USP3: variants seen among roughly 807,000 people sequenced by gnomAD.
USP3 encodes ubiquitin carboxyl-terminal hydrolase 3.
A neutral mutation model predicts 72.3 loss-of-function variants in USP3; 20 were observed. That is an observed-to-expected ratio of 0.28 (90% CI 0.19 to 0.40). USP3 has a LOEUF of 0.40. USP3 is among the 10% of genes least tolerant of loss of function. The probability of loss-of-function intolerance (pLI) is 1.00; values close to 1 mark genes in which losing one functional copy is unlikely to be tolerated. For synonymous variants in USP3, 222 were observed against 225.3 expected (o/e 0.99, Z 0.13); for missense variants, 479 against 633.9 (o/e 0.76, Z 2.62).
intron 11 of USP3, among the ~76,000 whole-genome samples, chr15:63,585,193 T>C (rs1166758956): frequency 1.3e-5 from 2 of 152,222 alleles, no homozygotes; most frequent in Non-Finnish European, 2.9e-5. Context: ...TTTTTCAAAA[T>C]TGTTTTGGCT....
chr15:63,542,285 T>C, intron 3 of USP3: 1 of 776,122 alleles, frequency 1.3e-6, no homozygotes, highest in Non-Finnish European at 1.6e-6. Context: ...AAGAATTAAG[T>C]GTTTTTTATT....
At chr15:63,533,516 T>A in intron 2 of USP3, among the ~76,000 whole-genome samples, 1 of 152,224 alleles carries the variant, frequency 6.6e-6, no homozygotes, top group East Asian at 1.9e-4. Context: ...TTAGAAAATC[T>A]ACTTTGAATT....
rs780307574 is a variant in USP3 at position 63,537,049 on chromosome 15, A to G, written c.177A>G (p.Lys59=). The G allele has an allele frequency of 6.2e-7, 1 of 1,613,742 alleles. No homozygotes were observed. The highest frequency in any genetic ancestry group is 1.1e-5 in the South Asian group (1 of 90,956). The change falls in exon 3 of 15, where the codon AAA becomes AAG. Residue 59 remains lysine, a synonymous_variant. Coordinates refer to ENST00000380324, the MANE Select transcript of USP3 (RefSeq NM_006537.4). ...CGRYVNGHAK[K]HYEDAQVPLT... is the part of the protein sequence containing the mutation. ...GGTATGTGAATGGCCATGCAAAAAA[A>G]CATTATGAAGATGCACAAGTACCTT...
chr15:63,570,919 A>C lies in USP3; in HGVS notation c.908+340A>C, dbSNP rs563153299. On this transcript the variant is annotated intron_variant, in intron 9 of 14. Coordinates refer to ENST00000380324, the MANE Select transcript of USP3 (RefSeq NM_006537.4). This position sits in a 1 kb window ranked among gnomAD's most constrained non-coding sequence, Gnocchi z 4.4. ...CAGGAGACTTAATTTTCATATACCA[A>C]AATAATATTTGTTCACTAAAAACAA... Among the ~76,000 whole-genome samples, 2 of 152,328 alleles carry C rather than the reference A, an allele frequency of 1.3e-5. No individual in the cohort carries two copies. The highest frequency in any genetic ancestry group is 2.1e-4 in the South Asian group (1 of 4,832).
chr15:63,562,988 GA>G lies in USP3; in HGVS notation c.743del (p.Lys248ArgfsTer56). On this transcript the variant is annotated frameshift_variant, in exon 8 of 15. Coordinates refer to ENST00000380324, the MANE Select transcript of USP3 (RefSeq NM_006537.4). LOFTEE classifies it high-confidence loss of function. ...SPESLFYVVW[K>X]IMPNFRGYQQ... is the part of the protein sequence containing the mutation. ...CAGAGTCCTTATTTTATGTTGTTTG[GA>G]AGATTATGCCAAACTTTAGGTAAGT... The G allele has an allele frequency of 6.2e-7, 1 of 1,611,130 alleles. No homozygotes were observed. Among genetic ancestry groups the G allele is most frequent in the Non-Finnish European group, 8.5e-7 (1 of 1,178,850 alleles).
At chr15:63,506,733 T>C (rs543005059) in intron 1 of USP3, among the ~76,000 whole-genome samples, 2 of 152,300 alleles carry the variant, frequency 1.3e-5, no homozygotes, top group African/African-American at 4.8e-5. Flanking sequence ...AACTAGTATG[T>C]GGGGTGATTT....
At chr15:63,573,309 G>A (rs911644209) in intron 9 of USP3, among the ~76,000 whole-genome samples, 2 of 152,148 alleles carry the variant, frequency 1.3e-5, no homozygotes, top group African/African-American at 4.8e-5. Context: ...CCTCTGTGGT[G>A]GGTACTCTTC....
chr15:63,547,835 AGGGAGGGAGG>A, intron 3 of USP3, among the ~76,000 whole-genome samples: 1 of 97,060 alleles, frequency 1.0e-5, no homozygotes, highest in South Asian at 3.7e-4. Flanking sequence ...AGAGAGAGAG[AGGGAGGGAGG>A]GAGAGAGAGA....
At position 63,581,031 on chromosome 15, in the gene USP3, C is replaced by A. The variant is rs542574724; in HGVS notation, c.1096+6628C>A. ...ATGTTGGCCAGGCTGGTCTCAGACTCCTGACCTCGAGTGATCTGCCTGCCT... is the reference window on the plus strand; with the variant it reads ...ATGTTGGCCAGGCTGGTCTCAGACTACTGACCTCGAGTGATCTGCCTGCCT... On this transcript the variant is annotated intron_variant, in intron 11 of 14. Coordinates refer to ENST00000380324, the MANE Select transcript of USP3 (RefSeq NM_006537.4). 5.3e-5 allele frequency among the ~76,000 whole-genome samples: 8 copies of A among 152,236 alleles called. No homozygotes were observed. In the East Asian group the frequency reaches 1.5e-3, roughly 29 times the overall value.
chr15:63,590,730 T>A lies in USP3; in HGVS notation c.1467T>A (p.Thr489=), dbSNP rs1286652815. The A allele has an allele frequency of 4.3e-6, 7 of 1,614,180 alleles. No homozygotes were observed. In the East Asian group the frequency reaches 8.9e-5, roughly 21 times the overall value. ...EGRWFHFNDS[T]VTLTDEETVV... ...GCTGGTTCCACTTCAATGACAGTAC[T>A]GTAACACTGACTGACGAGGAGACTG... is the stretch of plus-strand genomic sequence containing the variant. Residue 489 remains threonine, a synonymous_variant, in exon 15 of 15, where the codon ACT becomes ACA. Coordinates refer to ENST00000380324, the MANE Select transcript of USP3 (RefSeq NM_006537.4).
intron 3 of USP3, among the ~76,000 whole-genome samples, chr15:63,550,982 T>G (rs2066428519): frequency 6.6e-6 from 1 of 152,140 alleles, no homozygotes; most frequent in Non-Finnish European, 1.5e-5. Flanking sequence ...CAGAATACCC[T>G]GGCTGTATTT....
chr15:63,511,557 T>A (rs1261907136), intron 1 of USP3, among the ~76,000 whole-genome samples: 1 of 152,292 alleles, frequency 6.6e-6, no homozygotes, highest in African/African-American at 2.4e-5. Context: ...TATACTCAGA[T>A]CTAATATTTT....
In USP3 at chr15:63,528,183, A is replaced by G. The variant is rs1290228678; in HGVS notation, c.92-4464A>G. On this transcript the variant is annotated intron_variant, in intron 1 of 14. Coordinates refer to ENST00000380324, the MANE Select transcript of USP3 (RefSeq NM_006537.4). The surrounding 1 kb of genome is among the most constrained non-coding windows in gnomAD (Gnocchi z 4.3). ...GACTGAGAAGTGAGACACTGCAGTC[A>G]GGGTTGGAAGAATCCAAGTAAACCG... 1 of 152,256 alleles carries G rather than the reference A, an allele frequency of 6.6e-6. No homozygotes were observed. The allele number at this position is 152,256 out of a possible 1,614,324, so 9.4% of individuals were successfully genotyped here.
At chr15:63,585,721 C>T (rs1423652810) in intron 11 of USP3, among the ~76,000 whole-genome samples, 2 of 151,218 alleles carry the variant, frequency 1.3e-5, no homozygotes, top group Non-Finnish European at 2.9e-5. Flanking sequence ...GGATTTTTTC[C>T]TATGTTATCT....
chr15:63,577,194 A>G (rs1055536286), intron 11 of USP3, among the ~76,000 whole-genome samples: 1 of 152,266 alleles, frequency 6.6e-6, no homozygotes, highest in Non-Finnish European at 1.5e-5. Context: ...GATCTCACTT[A>G]TATTATAGAT....
intron 11 of USP3, among the ~76,000 whole-genome samples, chr15:63,585,100 T>C (rs376312632): frequency 9.8e-5 from 15 of 152,340 alleles, no homozygotes; most frequent in African/African-American, 3.6e-4. Flanking sequence ...TCTGTCCTTA[T>C]GCCAGTGCCA....
chr15:63,513,908 G>A (rs1195650270), intron 1 of USP3, among the ~76,000 whole-genome samples: 1 of 152,106 alleles, frequency 6.6e-6, no homozygotes, highest in African/African-American at 2.4e-5. Context: ...GAGACTGTGG[G>A]AGCAACAATG....
At position 63,590,560 on chromosome 15, in the gene USP3, G is replaced by A. The variant is rs2067176947; in HGVS notation, c.1398-101G>A. ...ACAAGCATCTTAAATCAAAAGTCTAGGATGTATTCTTATTAAAATTTAAAT... is the reference window on the plus strand; with the variant it reads ...ACAAGCATCTTAAATCAAAAGTCTAAGATGTATTCTTATTAAAATTTAAAT... On this transcript the variant is annotated intron_variant, in intron 14 of 14. Coordinates refer to ENST00000380324, the MANE Select transcript of USP3 (RefSeq NM_006537.4). 3 of 1,127,096 alleles carry A rather than the reference G, an allele frequency of 2.7e-6. No homozygotes were observed. The South Asian group carries it at 7.3e-5, about 27-fold the overall frequency. 69.8% of individuals were successfully genotyped at this position (1,127,096 alleles called of 1,614,324 possible).
intron 11 of USP3, among the ~76,000 whole-genome samples, chr15:63,581,272 A>G (rs1274352845): frequency 1.3e-5 from 2 of 151,566 alleles, no homozygotes; most frequent in African/African-American, 2.4e-5. Flanking sequence ...TGTTAAGGGT[A>G]TGTTGTATCT....
Sources: gnomAD v4.1 joint callset for allele counts (sites outside exome capture counted in the v4.1 genomes callset) on GRCh38, gnomAD v4.1.1 for gene constraint, Gnocchi (gnomAD v3.1) non-coding constraint, MANE v1.5 for transcripts, NCBI Gene and HGNC (gene_info 2026-07-23, HGNC 2026-07-21) for gene names.